COL1A2: variants seen among roughly 807,000 people sequenced by gnomAD.
COL1A2 encodes the protein collagen type I alpha 2 chain.
In COL1A2, 49 loss-of-function variants were observed where a neutral mutation model predicts 174.3. That is an observed-to-expected ratio of 0.28 (90% CI 0.22 to 0.36). COL1A2 has a LOEUF of 0.36. COL1A2 is among the 10% of genes least tolerant of loss of function. COL1A2 has a pLI of 1.00. For missense variants in COL1A2, 1,438 were observed against 1,822.7 expected (o/e 0.79, Z 3.84); for synonymous variants, 655 against 606.6 (o/e 1.08, Z -1.17).
intron 41 of COL1A2, chr7:94,424,877 TGACAC>T (rs1792241549): frequency 1.8e-6 from 1 of 555,040 alleles, no homozygotes; most frequent in Non-Finnish European, 3.2e-6. Context: ...GGATACTGAA[TGACAC>T]GAGGCTCACT....
Position 94,424,456 on chromosome 7 carries a change from C to T in COL1A2, c.2673+13C>T, listed in dbSNP as rs1268267921. 1.9e-6 allele frequency: 3 copies of T among 1,608,364 alleles called. No individual in the cohort carries two copies. The South Asian group carries it at 3.3e-5, about 18-fold the overall frequency. ...TGCTGGTGCTGTGGTGAGTGCTTGA[C>T]AGTATTCTGACTCCATTAACATAAG... On this transcript the variant is annotated intron_variant, in intron 41 of 51. Coordinates refer to ENST00000297268, the MANE Select transcript of COL1A2 (RefSeq NM_000089.4).
intron 34 of COL1A2, among the ~76,000 whole-genome samples, chr7:94,419,755 A>C (rs1792114465): frequency 6.6e-6 from 1 of 152,122 alleles, no homozygotes; most frequent in Non-Finnish European, 1.5e-5. Flanking sequence ...CAGCTATCTG[A>C]TCTATACTCT....
chr7:94,409,939 T>C, intron 19 of COL1A2, 118 bp downstream of exon 19: 1 of 1,031,320 alleles, frequency 9.7e-7, no homozygotes, highest in Non-Finnish European at 1.5e-6. Context: ...TCCTTAGCAT[T>C]TTTAGTTTAT....
intron 40 of COL1A2, chr7:94,423,423 C>A: frequency 2.4e-6 from 1 of 410,948 alleles, no homozygotes; most frequent in Non-Finnish European, 4.6e-6. Context: ...GGCCATCCTA[C>A]TACATATTAA....
intron 37 of COL1A2, 168 bp from the exon 38 acceptor site, chr7:94,420,841 C>T (rs1792144989): frequency 2.3e-6 from 2 of 878,720 alleles, no homozygotes; most frequent in Non-Finnish European, 3.7e-6. Flanking sequence ...TTTTAATTCT[C>T]TGATAACCTC....
chr7:94,414,944 A>G (rs1792007984), intron 29 of COL1A2, among the ~76,000 whole-genome samples: 1 of 152,210 alleles, frequency 6.6e-6, no homozygotes, highest in Non-Finnish European at 1.5e-5. Flanking sequence ...CTTATTATTG[A>G]AGGAAATAGT....
At position 94,416,481 on chromosome 7, in the gene COL1A2, C is replaced by A. The variant is rs1412991239; in HGVS notation, c.1841C>A (p.Pro614His). 1.3e-6 allele frequency: 2 copies of A among 1,576,878 alleles called. No individual in the cohort carries two copies. The highest frequency in any genetic ancestry group is 1.7e-6 in the Non-Finnish European group (2 of 1,160,286). ...ATTGGAAGCCGAGGTCCTTCTGGAC[C>A]CCCAGGGCCTGATGGAAACAAGGTA... ...GPIGSRGPSGPPGPDGNKGEP... is the reference protein window; with the variant it reads ...GPIGSRGPSGHPGPDGNKGEP... Residue 614 changes from proline (P) to histidine (H), a missense_variant, in exon 31 of 52, where the codon CCC (proline) becomes CAC (histidine). Around this residue, in one of 3 missense-constraint regions of COL1A2, gnomAD observed 867 missense variants for 1,213.7 expected, o/e 0.71. Coordinates refer to ENST00000297268, the MANE Select transcript of COL1A2 (RefSeq NM_000089.4).
intron 21 of COL1A2, 45 bp from the exon 22 acceptor site, chr7:94,410,844 C>G: frequency 6.3e-7 from 1 of 1,588,202 alleles, no homozygotes; most frequent in Admixed American, 1.7e-5. Flanking sequence ...TTATCAAAGC[C>G]AAGAGATTTC....
In COL1A2 at chr7:94,408,710, G is replaced by T. The variant is rs926800691; in HGVS notation, c.739-60G>T. On this transcript the variant is annotated intron_variant, in intron 15 of 51. Coordinates refer to ENST00000297268, the MANE Select transcript of COL1A2 (RefSeq NM_000089.4). Reference sequence around the variant, plus strand: ...TAAGCAACTTCAATCTTCTGCCATTGTTATTGTTTTCTTAATTTACTTGGA... The same window carrying T: ...TAAGCAACTTCAATCTTCTGCCATTTTTATTGTTTTCTTAATTTACTTGGA... 2.6e-6 allele frequency: 4 copies of T among 1,567,556 alleles called. No individual in the cohort carries two copies. The African/African-American group carries it at 4.0e-5, about 16-fold the overall frequency.
rs774919512 is a variant in COL1A2 at position 94,420,553 on chromosome 7, C to G, written c.2200C>G (p.Gln734Glu). 8 of 1,613,974 alleles carry G rather than the reference C, an allele frequency of 5.0e-6. No individual in the cohort carries two copies. Among genetic ancestry groups the G allele is most frequent in the Non-Finnish European group, 5.9e-6 (7 of 1,179,966 alleles). ...TTATTTCCAACAGGGTGCTGCTGGT[C>G]AACCTGGTGCTAAAGGAGAAAGAGG... is the stretch of plus-strand genomic sequence containing the variant. Reference protein sequence around the residue: ...GFAGPAGAAGQPGAKGERGAK... With the variant: ...GFAGPAGAAGEPGAKGERGAK... Residue 734 changes from glutamine (Q) to glutamate (E), a missense_variant, in exon 37 of 52, where the codon CAA (glutamine) becomes GAA (glutamate). Gln to Glu is a conservative substitution (Grantham distance 29, BLOSUM62 2). Transcript: ENST00000297268.
Position 94,406,228 on chromosome 7 carries a change from TATA to T in COL1A2, c.541-17_541-15del. The T allele has an allele frequency of 6.2e-7, 1 of 1,612,974 alleles. No individual in the cohort carries two copies. Among genetic ancestry groups the T allele is most frequent in the Middle Eastern group, 1.7e-4 (1 of 6,058 alleles). ...CAAACACTATCATGGAACAGCATTT[TATA>T]ATAAGGCTTTCCTTTCAGGGACACA... On this transcript the variant is annotated intron_variant, in intron 11 of 51. Transcript: ENST00000297268.
At position 94,426,605 on chromosome 7, in the gene COL1A2, A is replaced by T. The variant is rs368712924; in HGVS notation, c.3105+75A>T. On this transcript the variant is annotated intron_variant, in intron 46 of 51. Transcript: ENST00000297268. The stretch of plus-strand genomic sequence containing the variant: ...AGCTCAGAAGGATTTTCATATTTTC[A>T]CTGCTATTGTTCCAGTATAGCCTAT... 9.3e-5 allele frequency: 105 copies of T among 1,125,178 alleles called. No homozygotes were observed. The East Asian group carries it at 2.4e-3, about 25-fold the overall frequency. The allele number at this position is 1,125,178 out of a possible 1,614,324, so 69.7% of individuals were successfully genotyped here.
At position 94,431,093 on chromosome 7, in the gene COL1A2, C is replaced by T. The variant is rs1803210; in HGVS notation, c.*700C>T. 6.6e-6 allele frequency: 1 copy of T among 152,520 alleles called. No homozygotes were observed. The highest frequency in any genetic ancestry group is 1.5e-5 in the Non-Finnish European group (1 of 68,022). The allele number at this position is 152,520 out of a possible 1,614,324, so 9.4% of individuals were successfully genotyped here. On this transcript the variant is annotated 3_prime_UTR_variant, in exon 52 of 52. Coordinates refer to ENST00000297268, the MANE Select transcript of COL1A2 (RefSeq NM_000089.4). ...TGTTCTTTGCCAGTCTCATTTTCATCTTCTTCCATGGTTCCACAGAAGCTT... is the reference window on the plus strand; with the variant it reads ...TGTTCTTTGCCAGTCTCATTTTCATTTTCTTCCATGGTTCCACAGAAGCTT...
At chr7:94,395,181 T>C (rs2115843283) in intron 1 of COL1A2, 80 bp downstream of exon 1, 3 of 1,183,030 alleles carry the variant, frequency 2.5e-6, no homozygotes, top group Non-Finnish European at 3.8e-6. Context: ...AAGGAAAACC[T>C]GTAACCTGAA....
chr7:94,423,395 A>G, intron 40 of COL1A2: 1 of 452,810 alleles, frequency 2.2e-6, no homozygotes, highest in Non-Finnish European at 4.1e-6. Context: ...CAGGATTAGA[A>G]CAGAGTCCCA....
chr7:94,411,518 A>G (rs1156968812), intron 23 of COL1A2, among the ~76,000 whole-genome samples: 1 of 152,192 alleles, frequency 6.6e-6, no homozygotes, highest in African/African-American at 2.4e-5. Context: ...TATTAGATTC[A>G]TAAGTGAAGT....
At chr7:94,408,444 A>G in intron 15 of COL1A2, 64 bp downstream of exon 15, 4 of 1,532,610 alleles carry the variant, frequency 2.6e-6, no homozygotes, top group Non-Finnish European at 3.6e-6. Flanking sequence ...TGTCTTCTTC[A>G]TTAATCTCTT....
chr7:94,416,628 C>A, intron 31 of COL1A2, 125 bp downstream of exon 31: 1 of 762,844 alleles, frequency 1.3e-6, no homozygotes, highest in Non-Finnish European at 2.2e-6. Flanking sequence ...GATGACTTCC[C>A]TCTCAGTAAA....
In COL1A2 at chr7:94,416,388, C is replaced by A; in HGVS notation, c.1765-17C>A. On this transcript the variant is annotated splice_polypyrimidine_tract_variant and intron_variant, in intron 30 of 51. Transcript: ENST00000297268. ...AGTGATGAATGGTGCAACACTTCTTCTAATCACTTTTTTCAGGGGGAACGC... is the reference window on the plus strand; with the variant it reads ...AGTGATGAATGGTGCAACACTTCTTATAATCACTTTTTTCAGGGGGAACGC... 6.4e-7 allele frequency: 1 copy of A among 1,553,424 alleles called. No homozygotes were observed. The highest frequency in any genetic ancestry group is 8.7e-7 in the Non-Finnish European group (1 of 1,146,004).
Sources: gnomAD v4.1 joint callset for allele counts (sites outside exome capture counted in the v4.1 genomes callset) on GRCh38, gnomAD v4.1.1 for gene constraint, gnomAD v4.1.1 regional missense constraint, MANE v1.5 for transcripts, NCBI Gene and HGNC (gene_info 2026-07-23, HGNC 2026-07-21) for gene names.